Variants in ADARB2 observed in about 807,000 individuals in gnomAD.
The protein encoded by ADARB2 is adenosine deaminase RNA specific B2 (inactive).
In ADARB2, 25 loss-of-function variants were observed where a neutral mutation model predicts 62.2. That is an observed-to-expected ratio of 0.40 (90% CI 0.29 to 0.56). ADARB2 has a LOEUF of 0.56. Ranked by LOEUF, ADARB2 falls within the 20% of genes least tolerant of loss-of-function variation. The pLI is 0.43. For synonymous variants in ADARB2, 572 were observed against 500.8 expected, an observed-to-expected ratio of 1.14 and a Z score of -1.90; for missense variants, 1,071 against 1,077.4, an observed-to-expected ratio of 0.99 and a Z score of 0.08.
At chr10:1,640,053 A>G (rs898194674) in intron 1 of ADARB2, among the ~76,000 whole-genome samples, 24 of 152,226 alleles carry the variant, frequency 1.6e-4, no homozygotes, top group African/African-American at 5.8e-4. Flanking sequence ...GCCCGTAAAC[A>G]CTGGATGCCA....
At chr10:1,280,730 T>C (rs887731592) in intron 3 of ADARB2, among the ~76,000 whole-genome samples, 1 of 140,998 alleles carries the variant, frequency 7.1e-6, no homozygotes, top group Admixed American at 7.0e-5. Flanking sequence ...TGCTCTATGA[T>C]ATTCCTAAGT....
Position 1,363,463 on chromosome 10 carries a change from G to T in ADARB2, c.642C>A (p.Ser214=). Residue 214 remains serine (S), a synonymous_variant, in exon 3 of 10, where the codon TCC becomes TCA. Coordinates refer to ENST00000381312, the MANE Select transcript of ADARB2 (RefSeq NM_018702.4). ...GGPGPGTDFT[S]DQADFPDTLF... ...GCGTGTCGGGGAAATCGGCCTGGTCGGAGGTGAAGTCCGTGCCGGGGCCCG... is the reference window on the plus strand; with the variant it reads ...GCGTGTCGGGGAAATCGGCCTGGTCTGAGGTGAAGTCCGTGCCGGGGCCCG... 2 of 1,455,356 alleles carry T rather than the reference G, an allele frequency of 1.4e-6. No homozygotes were observed. The highest frequency in any genetic ancestry group is 1.5e-5 in the South Asian group (1 of 68,348). The allele number at this position is 1,455,356 out of a possible 1,614,324, so 90.2% of individuals were successfully genotyped here.
Position 1,264,077 on chromosome 10 carries a change from T to A in ADARB2, c.1192+6878A>T, listed in dbSNP as rs571681994. Among the ~76,000 whole-genome samples, 17 of 152,246 alleles carry A rather than the reference T, an allele frequency of 1.1e-4. No individual in the cohort carries two copies. In the South Asian group the frequency reaches 1.5e-3, roughly 13 times the overall value. Reference sequence around the variant, plus strand: ...GTACTCAGCCGTCGGCCTCCGTGAATCTTAATGTGCCTGAACAGACCCACA... The same window carrying A: ...GTACTCAGCCGTCGGCCTCCGTGAAACTTAATGTGCCTGAACAGACCCACA... On this transcript the variant is annotated intron_variant, in intron 4 of 9. Coordinates refer to ENST00000381312, the MANE Select transcript of ADARB2 (RefSeq NM_018702.4).
intron 1 of ADARB2, among the ~76,000 whole-genome samples, chr10:1,553,177 C>T (rs939515910): frequency 1.3e-5 from 2 of 152,216 alleles, no homozygotes; most frequent in South Asian, 2.1e-4. Flanking sequence ...CTGTTTTAAT[C>T]GTTAATTACC....
intron 3 of ADARB2, among the ~76,000 whole-genome samples, chr10:1,276,604 A>G (rs1265202926): frequency 6.6e-6 from 1 of 152,222 alleles, no homozygotes; most frequent in Non-Finnish European, 1.5e-5. Flanking sequence ...AGATTCATAA[A>G]GCAAGTCCTT....
chr10:1,511,374 G>A (rs1436728150), intron 1 of ADARB2, among the ~76,000 whole-genome samples: 1 of 152,144 alleles, frequency 6.6e-6, no homozygotes, highest in African/African-American at 2.4e-5. Context: ...AGAAAAGGGG[G>A]ACTCTCTTTC....
intron 1 of ADARB2, among the ~76,000 whole-genome samples, chr10:1,587,962 CTG>C (rs2132005525): frequency 6.6e-6 from 1 of 152,286 alleles, no homozygotes; most frequent in East Asian, 1.9e-4. Flanking sequence ...TCTCATGGAA[CTG>C]TGAGTCCATT....
intron 1 of ADARB2, among the ~76,000 whole-genome samples, chr10:1,583,931 T>A (rs12782330): frequency 0.1 from 15,458 of 152,210 alleles, 873 homozygotes; most frequent in Admixed American, 0.14. Context: ...TAATTAGACA[T>A]CCGCAAGCCA....
At chr10:1,672,253 G>C (rs1162712416) in intron 1 of ADARB2, among the ~76,000 whole-genome samples, 3 of 152,126 alleles carry the variant, frequency 2.0e-5, no homozygotes, top group Non-Finnish European at 4.4e-5. Flanking sequence ...GGCTCCTGTG[G>C]ACTGCGGGCT....
chr10:1,621,666 T>C lies in ADARB2; in HGVS notation c.100+115385A>G, dbSNP rs554916952. Reference sequence around the variant, plus strand: ...CAACAACAACAGTGAAATGCAAGACTTGTGTACTGAAAACTACAAAACATT... The same window carrying C: ...CAACAACAACAGTGAAATGCAAGACCTGTGTACTGAAAACTACAAAACATT... On this transcript the variant is annotated intron_variant, in intron 1 of 9. Transcript: ENST00000381312. 8.8e-4 allele frequency among the ~76,000 whole-genome samples: 134 copies of C among 152,320 alleles called. 1 individual carries two copies. The highest frequency in any genetic ancestry group is 2.5e-3 in the Admixed American group (38 of 15,296).
chr10:1,400,316 C>T (rs550925258), intron 1 of ADARB2, among the ~76,000 whole-genome samples: 60 of 152,278 alleles, frequency 3.9e-4, no homozygotes, highest in African/African-American at 1.3e-3. Context: ...CCATAAAAGG[C>T]GCATTTAGCA....
intron 1 of ADARB2, among the ~76,000 whole-genome samples, chr10:1,645,627 A>C (rs1459197241): frequency 6.6e-6 from 1 of 152,166 alleles, no homozygotes; most frequent in Non-Finnish European, 1.5e-5. Context: ...ACGTACATCT[A>C]AGCACTCCTC....
At chr10:1,319,636 A>G (rs1453678539) in intron 3 of ADARB2, among the ~76,000 whole-genome samples, 1 of 152,222 alleles carries the variant, frequency 6.6e-6, no homozygotes, top group Non-Finnish European at 1.5e-5. Context: ...TCCATGACGA[A>G]TGGATAGCTG....
chr10:1,241,665 C>A (rs753214649), intron 5 of ADARB2, among the ~76,000 whole-genome samples: 9 of 152,232 alleles, frequency 5.9e-5, no homozygotes, highest in Non-Finnish European at 1.2e-4. Context: ...CCCTGGGAAT[C>A]CCAATACTGG....
chr10:1,715,823 C>T (rs987911377), intron 1 of ADARB2, among the ~76,000 whole-genome samples: 9 of 152,236 alleles, frequency 5.9e-5, no homozygotes, highest in African/African-American at 1.9e-4. Flanking sequence ...AGGCAATGGC[C>T]TCCAACACCG....
At chr10:1,316,981 G>A (rs114459581) in intron 3 of ADARB2, among the ~76,000 whole-genome samples, 1,990 of 152,280 alleles carry the variant, frequency 0.013, 51 homozygotes, top group African/African-American at 0.045. Context: ...TTAAAGCCCC[G>A]GTCTAAGATC....
At chr10:1,414,235 G>C (rs1832783048) in intron 1 of ADARB2, among the ~76,000 whole-genome samples, 1 of 152,244 alleles carries the variant, frequency 6.6e-6, no homozygotes, top group Non-Finnish European at 1.5e-5. Flanking sequence ...ATTGGGAAAA[G>C]CTGAGTGTCG....
At chr10:1,317,875 G>A (rs1410938511) in intron 3 of ADARB2, among the ~76,000 whole-genome samples, 1 of 152,100 alleles carries the variant, frequency 6.6e-6, no homozygotes, top group Non-Finnish European at 1.5e-5. Flanking sequence ...CAGCCTTCCC[G>A]TCTTGAGCTT....
chr10:1,310,745 C>T (rs571854899), intron 3 of ADARB2, among the ~76,000 whole-genome samples: 182 of 152,202 alleles, frequency 1.2e-3, no homozygotes, highest in African/African-American at 4.3e-3. Context: ...AGGCCCCTGG[C>T]GCCTCAATCT....
Sources: gnomAD v4.1 joint callset for allele counts (sites outside exome capture counted in the v4.1 genomes callset) on GRCh38, gnomAD v4.1.1 for gene constraint, MANE v1.5 for transcripts, NCBI Gene and HGNC (gene_info 2026-07-23, HGNC 2026-07-21) for gene names.